CHD1: variants seen among roughly 807,000 people sequenced by gnomAD.
CHD1 encodes ATP-dependent chromatin remodeler CHD1.
CHD1 carries 36 observed loss-of-function variants against 224.2 expected under a neutral mutation model. The observed-to-expected ratio is 0.16, with a 90% confidence interval of 0.12 to 0.21. The LOEUF (loss-of-function observed/expected upper bound fraction) is 0.21, where lower values mean the gene tolerates loss of function less well. CHD1 is among the 10% of genes least tolerant of loss of function. The probability of loss-of-function intolerance (pLI) is 1.00; values close to 1 mark genes in which losing one functional copy is unlikely to be tolerated. For synonymous variants in CHD1, 668 were observed against 658.3 expected (o/e 1.01, Z -0.23); for missense variants, 1,378 against 1,994.8 (o/e 0.69, Z 5.89).
At chr5:98,880,611 C>CT (rs1750105578) in intron 22 of CHD1, among the ~76,000 whole-genome samples, 2 of 152,288 alleles carry the variant, frequency 1.3e-5, no homozygotes, top group South Asian at 2.1e-4. Context: ...CTCCTTTCAA[C>CT]TCATTGACCC....
In CHD1 at chr5:98,881,084, G is replaced by T. The variant is rs1181183822; in HGVS notation, c.3052C>A (p.Gln1018Lys). ...PLTVGDELLS[Q>K]FKVANFSNMD... ...ATTTTGTTTAAATCTACCTTGAACT[G>T]GGAAAGCAATTCATCTCCTACAGTT... The change falls in exon 22 of 36, where the codon CAG (glutamine) becomes AAG (lysine). Residue 1018 changes from glutamine (Q) to lysine (K), a missense_variant. Transcript: ENST00000614616. 1 of 1,604,438 alleles carries T rather than the reference G, an allele frequency of 6.2e-7. No homozygotes were observed. The highest frequency in any genetic ancestry group is 8.5e-7 in the Non-Finnish European group (1 of 1,173,182).
Position 98,893,621 on chromosome 5 carries a change from A to G in CHD1, c.1801-15T>C. On this transcript the variant is annotated splice_polypyrimidine_tract_variant and intron_variant, in intron 13 of 35. Transcript: ENST00000614616. The stretch of plus-strand genomic sequence containing the variant: ...CCAAGGAATGCCTTAAAATAATAGA[A>G]AAACAGTATTTTGAGAGAAAAACGG... 1 of 1,502,766 alleles carries G rather than the reference A, an allele frequency of 6.7e-7. No homozygotes were observed. The highest frequency in any genetic ancestry group is 9.0e-7 in the Non-Finnish European group (1 of 1,114,442). 93.1% of individuals were successfully genotyped at this position (1,502,766 alleles called of 1,614,324 possible).
intron 18 of CHD1, 130 bp downstream of exon 18, chr5:98,885,448 A>T (rs368088308): frequency 3.2e-5 from 21 of 649,178 alleles, no homozygotes; most frequent in East Asian, 2.3e-4. Flanking sequence ...TCATTTGCTA[A>T]TCAAAGGTGG....
intron 2 of CHD1, among the ~76,000 whole-genome samples, chr5:98,905,439 C>A (rs1213070526): frequency 6.6e-6 from 1 of 152,038 alleles, no homozygotes; most frequent in Admixed American, 6.6e-5. Context: ...TTTGAGAAGT[C>A]AAGAAGTTGA....
chr5:98,896,499 C>A lies in CHD1; in HGVS notation c.1494-57G>T. On this transcript the variant is annotated intron_variant, in intron 11 of 35. Transcript: ENST00000614616. Reference sequence around the variant, plus strand: ...GAAATATTCAAATATACAAAGAAACCTTTTTACATCATGTGTATATGTTTT... The same window carrying A: ...GAAATATTCAAATATACAAAGAAACATTTTTACATCATGTGTATATGTTTT... The A allele has an allele frequency of 3.4e-6, 4 of 1,160,972 alleles. No individual in the cohort carries two copies. In the South Asian group the frequency reaches 3.9e-5, roughly 11 times the overall value. The allele number at this position is 1,160,972 out of a possible 1,614,324, so 71.9% of individuals were successfully genotyped here.
At chr5:98,894,708 A>G in intron 12 of CHD1, 22 bp from the exon 13 acceptor site, 1 of 1,115,330 alleles carries the variant, frequency 9.0e-7, no homozygotes, top group Non-Finnish European at 1.3e-6. Flanking sequence ...TTTGAAGGAC[A>G]ATTTTTAAGA....
At chr5:98,905,752 CT>C (rs1752009359) in intron 2 of CHD1, among the ~76,000 whole-genome samples, 1 of 152,124 alleles carries the variant, frequency 6.6e-6, no homozygotes, top group African/African-American at 2.4e-5. Flanking sequence ...CTCATATTTC[CT>C]AACGTGTATA....
chr5:98,891,852 G>A (rs1751041362), intron 15 of CHD1, among the ~76,000 whole-genome samples: 1 of 152,076 alleles, frequency 6.6e-6, no homozygotes, highest in South Asian at 2.1e-4. Flanking sequence ...GTGAAGCTGA[G>A]TCATGGGTAT....
intron 33 of CHD1, 36 bp downstream of exon 33, chr5:98,859,936 T>C (rs1748334876): frequency 2.8e-6 from 3 of 1,068,666 alleles, no homozygotes; most frequent in South Asian, 3.2e-5. Flanking sequence ...GTTTTAATTA[T>C]ATAAATTCAG....
At chr5:98,870,944 T>C (rs1749288395) in intron 28 of CHD1, 141 bp from the exon 29 acceptor site, 1 of 447,844 alleles carries the variant, frequency 2.2e-6, no homozygotes, top group Non-Finnish European at 3.9e-6. Flanking sequence ...ATAAACTCAA[T>C]GCAAAATGTA....
At chr5:98,857,202 C>T (rs1748098512) in intron 35 of CHD1, among the ~76,000 whole-genome samples, 1 of 152,088 alleles carries the variant, frequency 6.6e-6, no homozygotes, top group South Asian at 2.1e-4. Flanking sequence ...TCAAGTTTGA[C>T]TAGTTATATA....
intron 31 of CHD1, among the ~76,000 whole-genome samples, chr5:98,864,996 T>C (rs928428443): frequency 2.6e-5 from 4 of 152,142 alleles, no homozygotes; most frequent in African/African-American, 9.7e-5. Flanking sequence ...ACCTGGACTC[T>C]AGTATAAGAG....
At chr5:98,899,453 G>C (rs1290449906) in intron 8 of CHD1, 27 bp downstream of exon 8, 7 of 1,332,456 alleles carry the variant, frequency 5.3e-6, no homozygotes, top group Non-Finnish European at 7.5e-6. Flanking sequence ...ACTATTAAAA[G>C]AAGTATATGA....
At chr5:98,916,702 T>G (rs991173303) in intron 2 of CHD1, among the ~76,000 whole-genome samples, 3 of 152,326 alleles carry the variant, frequency 2.0e-5, no homozygotes, top group African/African-American at 7.2e-5. Context: ...CATATACCTA[T>G]GGGTGTGTAC....
chr5:98,871,928 TCACA>T, intron 28 of CHD1, 119 bp downstream of exon 28: 1 of 777,846 alleles, frequency 1.3e-6, no homozygotes, highest in East Asian at 2.7e-5. Context: ...CGCACCAAGG[TCACA>T]CAACCAGCTA....
intron 2 of CHD1, among the ~76,000 whole-genome samples, chr5:98,906,928 A>T (rs954543333): frequency 3.3e-5 from 5 of 152,152 alleles, no homozygotes; most frequent in Non-Finnish European, 5.9e-5. Flanking sequence ...ATGAAACTCA[A>T]TTTTTTTCCA....
intron 2 of CHD1, among the ~76,000 whole-genome samples, chr5:98,915,254 C>T (rs1286337212): frequency 6.6e-6 from 1 of 152,218 alleles, no homozygotes; most frequent in Admixed American, 6.5e-5. Context: ...TTGTTAAGCA[C>T]TGACCAGCAA....
intron 28 of CHD1, 74 bp from the exon 29 acceptor site, chr5:98,870,877 A>C (rs1310765978): frequency 1.2e-6 from 1 of 845,804 alleles, no homozygotes; most frequent in Non-Finnish European, 1.9e-6. Context: ...AAAATGCTTA[A>C]CCATTTAAAT....
intron 14 of CHD1, 139 bp from the exon 15 acceptor site, chr5:98,892,852 T>G (rs1352514317): frequency 4.1e-6 from 2 of 492,782 alleles, no homozygotes; most frequent in Admixed American, 3.5e-5. Flanking sequence ...TAAACTTAGT[T>G]ACCTCTAAAA....
Sources: gnomAD v4.1 joint callset for allele counts (sites outside exome capture counted in the v4.1 genomes callset) on GRCh38, gnomAD v4.1.1 for gene constraint, MANE v1.5 for transcripts, NCBI Gene and HGNC (gene_info 2026-07-23, HGNC 2026-07-21) for gene names.